PSPH: variants seen among roughly 807,000 people sequenced by gnomAD.
PSPH encodes the protein phosphoserine phosphatase.
A neutral mutation model predicts 23.4 loss-of-function variants in PSPH; 16 were observed. That is an observed-to-expected ratio of 0.68 (90% CI 0.46 to 1.04). The LOEUF is 1.04. PSPH is among the 50% of genes least tolerant of loss of function. The pLI, the probability that PSPH is intolerant of heterozygous loss-of-function variation, is 0.00. For synonymous variants in PSPH, 68 were observed against 99.7 expected (o/e 0.68, Z 1.89); for missense variants, 223 against 273.7 (o/e 0.81, Z 1.31).
chr7:56,018,581 A>G (rs1381169941), intron 5 of PSPH, among the ~76,000 whole-genome samples: 1 of 152,118 alleles, frequency 6.6e-6, no homozygotes, highest in Non-Finnish European at 1.5e-5. Flanking sequence ...TAAATCCAGC[A>G]GTTTGGGAGG....
chr7:56,029,493 A>T (rs1262194986), intron 3 of PSPH, among the ~76,000 whole-genome samples: 5 of 90,062 alleles, frequency 5.6e-5, no homozygotes, highest in East Asian at 5.6e-4. Flanking sequence ...CCAACTGATT[A>T]AAAAAAAAAA....
chr7:56,026,304 C>A (rs1278501579), intron 3 of PSPH, among the ~76,000 whole-genome samples: 1 of 144,328 alleles, frequency 6.9e-6, no homozygotes, highest in Admixed American at 7.0e-5. Context: ...GGTGAAACCC[C>A]ATCTCTACTA....
At chr7:56,038,437 C>T (rs1425501429) in intron 1 of PSPH, among the ~76,000 whole-genome samples, 4 of 151,490 alleles carry the variant, frequency 2.6e-5, no homozygotes. Flanking sequence ...CTAGCCTGGG[C>T]GATAAAGCGA....
At chr7:56,012,787 G>T (rs1788057378) in intron 7 of PSPH, among the ~76,000 whole-genome samples, 1 of 146,574 alleles carries the variant, frequency 6.8e-6, no homozygotes, top group African/African-American at 2.5e-5. Flanking sequence ...TAGAGACGGG[G>T]TTTCACCGTG....
chr7:56,034,920 TGG>T (rs148497790), intron 1 of PSPH, among the ~76,000 whole-genome samples: 5 of 150,406 alleles, frequency 3.3e-5, no homozygotes, highest in African/African-American at 1.2e-4. Context: ...TAAATAGAGA[TGG>T]GGGGGGGTCT....
chr7:56,028,115 A>G (rs1214681937), intron 3 of PSPH, among the ~76,000 whole-genome samples: 1 of 152,038 alleles, frequency 6.6e-6, no homozygotes, highest in East Asian at 1.9e-4. Context: ...CTCCACTAAA[A>G]GTGAGAACTG....
chr7:56,039,013 CATACCTGT>C (rs1792120562), intron 1 of PSPH, among the ~76,000 whole-genome samples: 3 of 151,890 alleles, frequency 2.0e-5, no homozygotes, highest in Non-Finnish European at 4.4e-5. Context: ...TGTAGTGGTG[CATACCTGT>C]AATCCTAGTT....
chr7:56,018,336 C>G (rs1788856724), intron 5 of PSPH, among the ~76,000 whole-genome samples: 1 of 150,442 alleles, frequency 6.6e-6, no homozygotes, highest in African/African-American at 2.4e-5. Context: ...GTGCGAGACT[C>G]TGTCTCAAAA....
At chr7:56,013,176 C>T (rs1168679218) in intron 7 of PSPH, among the ~76,000 whole-genome samples, 1 of 146,458 alleles carries the variant, frequency 6.8e-6, no homozygotes, top group East Asian at 2.0e-4. Context: ...CACACACACA[C>T]ACACACACAC....
intron 2 of PSPH, chr7:56,033,493 G>A (rs1160381455): frequency 6.9e-6 from 1 of 143,898 alleles, no homozygotes. Flanking sequence ...ACGAGACTCT[G>A]TCTGAAAAAA....
At position 56,021,349 on chromosome 7, in the gene PSPH, T is replaced by C. The variant is rs1789387275; in HGVS notation, c.-19-118A>G. On this transcript the variant is annotated intron_variant, in intron 3 of 7. Transcript: ENST00000275605. ...AGTCAGTGCAGGCCACATAAGAGTG[T>C]TCTCACAGATTCATTTTTTTTTCCT... 2.1e-5 allele frequency: 19 copies of C among 887,438 alleles called. No homozygotes were observed. In the South Asian group the frequency reaches 2.5e-4, roughly 12 times the overall value. The allele number at this position is 887,438 out of a possible 1,614,324, so 55.0% of individuals were successfully genotyped here.
At chr7:56,019,495 A>G (rs906180777) in intron 5 of PSPH, 105 bp downstream of exon 5, 1 of 1,387,256 alleles carries the variant, frequency 7.2e-7, no homozygotes, top group Non-Finnish European at 9.7e-7. Flanking sequence ...ATGAAAATAA[A>G]TAAACCACCC....
rs573821976 is a variant in PSPH at position 56,017,904 on chromosome 7, G to A, written c.276-525C>T. On this transcript the variant is annotated intron_variant, in intron 5 of 7. Coordinates refer to ENST00000275605, the MANE Select transcript of PSPH (RefSeq NM_004577.4). ...CGCCCAGCTAACTTTTGTATTTTTA[G>A]TAGACATGGGGTTTCACCATGTTGG... 2.0e-5 allele frequency among the ~76,000 whole-genome samples: 3 copies of A among 151,992 alleles called. No individual in the cohort carries two copies. In the South Asian group the frequency reaches 6.2e-4, roughly 32 times the overall value.
chr7:56,015,284 C>T, intron 6 of PSPH, 113 bp from the exon 7 acceptor site: 1 of 1,278,012 alleles, frequency 7.8e-7, no homozygotes, highest in Non-Finnish European at 1.1e-6. Flanking sequence ...CTAAAAATGG[C>T]CGTCGGTAAA....
chr7:56,051,359 AT>A lies in PSPH; in HGVS notation c.-514del. The stretch of plus-strand genomic sequence containing the variant: ...TCGCTAGGCCTCACAGCACCGCATG[AT>A]TCCGGGGGAGGGTGCTTATCAGACT... On this transcript the variant is annotated 5_prime_UTR_variant, in exon 1 of 8. Coordinates refer to ENST00000275605, the MANE Select transcript of PSPH (RefSeq NM_004577.4). The A allele has an allele frequency of 5.6e-6, 1 of 178,452 alleles. No individual in the cohort carries two copies. The allele number at this position is 178,452 out of a possible 1,614,324, so 11.1% of individuals were successfully genotyped here. A position where few individuals can be genotyped will look rare whatever the true frequency, so the allele number is the denominator to read the frequency against.
rs527975077 is a variant in PSPH, at chr7:56,049,308, C to T, written c.-292+1830G>A. ...CCCTTGCTCCCACCCCCTGACAGGT[C>T]CCAGTGTGTGATGTTCCCCTCCCTG... On this transcript the variant is annotated intron_variant, in intron 1 of 7. Coordinates refer to ENST00000275605, the MANE Select transcript of PSPH (RefSeq NM_004577.4). Among the ~76,000 whole-genome samples the T allele has an allele frequency of 5.3e-5, 8 of 152,220 alleles. No individual in the cohort carries two copies. In the South Asian group the frequency reaches 1.7e-3, roughly 32 times the overall value.
chr7:56,029,978 C>CAAAAAAAAAAAAAGA (rs1254376861), intron 3 of PSPH, among the ~76,000 whole-genome samples: 1 of 53,448 alleles, frequency 1.9e-5, no homozygotes, highest in African/African-American at 7.0e-5. Flanking sequence ...GACTCCATCT[C>CAAAAAAAAAAAAAGA]AAAAAAAAAA....
At chr7:56,031,246 A>C (rs1184811713) in intron 3 of PSPH, among the ~76,000 whole-genome samples, 1 of 151,792 alleles carries the variant, frequency 6.6e-6, no homozygotes, top group Non-Finnish European at 1.5e-5. Flanking sequence ...CAAAACAAAC[A>C]AACAAAAAAA....
intron 3 of PSPH, among the ~76,000 whole-genome samples, chr7:56,023,801 G>GA (rs943287866): frequency 6.6e-6 from 1 of 151,138 alleles, no homozygotes; most frequent in South Asian, 2.1e-4. Context: ...AGTTGACCTG[G>GA]AAAAAAAAAT....
Sources: gnomAD v4.1 joint callset for allele counts (sites outside exome capture counted in the v4.1 genomes callset) on GRCh38, gnomAD v4.1.1 for gene constraint, MANE v1.5 for transcripts, NCBI Gene and HGNC (gene_info 2026-07-23, HGNC 2026-07-21) for gene names.